The following MAGI2 variants were observed in gnomAD, a reference collection of about 807,000 sequenced individuals.
MAGI2 encodes membrane associated guanylate kinase, WW and PDZ domain containing 2.
In MAGI2, 35 loss-of-function variants were observed where a neutral mutation model predicts 133.3. The ratio of observed to expected loss-of-function variants is 0.26; its 90% CI spans 0.20 to 0.35. The LOEUF (loss-of-function observed/expected upper bound fraction) is 0.35, where lower values mean the gene tolerates loss of function less well. MAGI2 is among the 10% of genes least tolerant of loss of function. MAGI2 has a pLI of 1.00. For missense variants in MAGI2, 1,636 were observed against 1,863.4 expected, an observed-to-expected ratio of 0.88 and a Z score of 2.25; for synonymous variants, 729 against 710.6, an observed-to-expected ratio of 1.03 and a Z score of -0.41.
intron 2 of MAGI2, among the ~76,000 whole-genome samples, chr7:78,725,159 C>T (rs1820644200): frequency 6.6e-6 from 1 of 152,154 alleles, no homozygotes. Flanking sequence ...AAAAATAAGG[C>T]AGCTGGTTAA....
At chr7:79,264,883 G>C (rs190621434) in intron 1 of MAGI2, among the ~76,000 whole-genome samples, 39 of 151,928 alleles carry the variant, frequency 2.6e-4, no homozygotes, top group African/African-American at 8.7e-4. Context: ...GAGAGAGAGC[G>C]CACGAGCACA....
chr7:78,426,529 C>T lies in MAGI2; in HGVS notation c.1046-57316G>A, dbSNP rs373700501. 1.2e-4 allele frequency among the ~76,000 whole-genome samples: 18 copies of T among 151,978 alleles called. 1 individual carries two copies. Among genetic ancestry groups the T allele is most frequent in the East Asian group, 9.7e-4 (5 of 5,158 alleles). On this transcript the variant is annotated intron_variant, in intron 6 of 21. Transcript: ENST00000354212. ...CTAGATGACGAGTTAGTGGGTGCAG[C>T]GCACCAGCATGGCACATGTATACAT... is the stretch of plus-strand genomic sequence containing the variant.
At position 79,173,325 on chromosome 7, in the gene MAGI2, A is replaced by T. The variant is rs547886715; in HGVS notation, c.302-166119T>A. Among the ~76,000 whole-genome samples, 931 of 147,620 alleles carry T rather than the reference A, an allele frequency of 6.3e-3. 11 individuals are homozygous for T. The highest frequency in any genetic ancestry group is 0.021 in the African/African-American group (863 of 40,564). ...CAAATTAATTTACTATTATAATTGC[A>T]TTTTTTTTTTTACTTCTGATGATAA... is the stretch of plus-strand genomic sequence containing the variant. On this transcript the variant is annotated intron_variant, in intron 1 of 21. Transcript: ENST00000354212.
intron 21 of MAGI2, among the ~76,000 whole-genome samples, chr7:78,058,259 G>A (rs1365855984): frequency 6.6e-6 from 1 of 151,864 alleles, no homozygotes; most frequent in Non-Finnish European, 1.5e-5. Flanking sequence ...CACTGCTCAT[G>A]TGTCTCAAAG....
At chr7:79,320,552 T>C (rs185759702) in intron 1 of MAGI2, among the ~76,000 whole-genome samples, 1 of 152,256 alleles carries the variant, frequency 6.6e-6, no homozygotes, top group East Asian at 1.9e-4. Context: ...ATATATATGT[T>C]TTAAGTAATC....
At chr7:78,547,675 A>G in intron 3 of MAGI2, among the ~76,000 whole-genome samples, 1 of 152,334 alleles carries the variant, frequency 6.6e-6, no homozygotes, top group African/African-American at 2.4e-5. Context: ...ACTCACTCAG[A>G]TTACGACAAT....
chr7:78,880,884 A>G (rs964320815), intron 2 of MAGI2, among the ~76,000 whole-genome samples: 2 of 152,214 alleles, frequency 1.3e-5, no homozygotes, highest in African/African-American at 2.4e-5. Flanking sequence ...ACAAAGATCT[A>G]TTACAAAAAC....
At chr7:79,072,007 T>A (rs1056960335) in intron 1 of MAGI2, among the ~76,000 whole-genome samples, 1 of 152,148 alleles carries the variant, frequency 6.6e-6, no homozygotes. Context: ...CTGTTCCTGC[T>A]AGTACAGTCT....
At chr7:78,138,553 TG>T (rs1489850517) in intron 16 of MAGI2, among the ~76,000 whole-genome samples, 1 of 152,120 alleles carries the variant, frequency 6.6e-6, no homozygotes, top group African/African-American at 2.4e-5. Flanking sequence ...TTTATGCCTC[TG>T]CTCTCCTCTA....
chr7:79,408,681 C>G (rs574337062), intron 1 of MAGI2, among the ~76,000 whole-genome samples: 47 of 152,006 alleles, frequency 3.1e-4, no homozygotes, highest in African/African-American at 1.0e-3. Context: ...AAACCAGGAA[C>G]AAGTTAAATG....
At chr7:79,441,863 A>G (rs1011567101) in intron 1 of MAGI2, among the ~76,000 whole-genome samples, 1 of 152,136 alleles carries the variant, frequency 6.6e-6, no homozygotes, top group Non-Finnish European at 1.5e-5. Flanking sequence ...ATTGCAATAT[A>G]CCGTATATTC....
chr7:78,430,815 G>A (rs1225403887), intron 6 of MAGI2, among the ~76,000 whole-genome samples: 1 of 152,032 alleles, frequency 6.6e-6, no homozygotes, highest in Admixed American at 6.6e-5. Flanking sequence ...CAAATAATGT[G>A]TTTACAGTTA....
At chr7:78,409,850 T>C (rs1213658504) in intron 6 of MAGI2, among the ~76,000 whole-genome samples, 1 of 152,114 alleles carries the variant, frequency 6.6e-6, no homozygotes, top group African/African-American at 2.4e-5. Flanking sequence ...AATTATTTTG[T>C]AAGCTTTACA....
Position 78,658,141 on chromosome 7 carries a change from GTAC to G in MAGI2, c.419-30905_419-30903del, listed in dbSNP as rs750444473. 6.6e-5 allele frequency among the ~76,000 whole-genome samples: 10 copies of G among 152,146 alleles called. No homozygotes were observed. In the East Asian group the frequency reaches 1.4e-3, roughly 21 times the overall value. On this transcript the variant is annotated intron_variant, in intron 2 of 21. Transcript: ENST00000354212. The stretch of plus-strand genomic sequence containing the variant: ...GGAGGTAATCTTTTCAGGAGTTTTT[GTAC>G]TACAAGTTCAATTACACAGAATAGA...
chr7:79,033,055 C>G (rs1005735561), intron 1 of MAGI2, among the ~76,000 whole-genome samples: 1 of 152,106 alleles, frequency 6.6e-6, no homozygotes, highest in Non-Finnish European at 1.5e-5. Context: ...TTTTGAACCA[C>G]AGTCCAGGTT....
At chr7:78,697,974 T>C (rs1248951164) in intron 2 of MAGI2, among the ~76,000 whole-genome samples, 2 of 152,184 alleles carry the variant, frequency 1.3e-5, no homozygotes, top group African/African-American at 4.8e-5. Flanking sequence ...AGTTCATTTC[T>C]TTAGGATGTT....
intron 2 of MAGI2, among the ~76,000 whole-genome samples, chr7:78,733,908 C>T (rs1342075006): frequency 6.6e-6 from 1 of 152,122 alleles, no homozygotes; most frequent in Non-Finnish European, 1.5e-5. Flanking sequence ...GTAATGGTCA[C>T]ATATCTGAAA....
At chr7:78,815,675 G>C (rs1484912149) in intron 2 of MAGI2, among the ~76,000 whole-genome samples, 1 of 152,138 alleles carries the variant, frequency 6.6e-6, no homozygotes, top group East Asian at 1.9e-4. Flanking sequence ...ACGGTGATCT[G>C]TGATCAGTGA....
intron 1 of MAGI2, among the ~76,000 whole-genome samples, chr7:79,346,693 G>T (rs17152314): frequency 0.16 from 24,348 of 151,802 alleles, 2,137 homozygotes; most frequent in African/African-American, 0.2. Flanking sequence ...ATACTCCTGG[G>T]TTATTGCTCT....
Sources: gnomAD v4.1 joint callset for allele counts (sites outside exome capture counted in the v4.1 genomes callset) on GRCh38, gnomAD v4.1.1 for gene constraint, MANE v1.5 for transcripts, NCBI Gene and HGNC (gene_info 2026-07-23, HGNC 2026-07-21) for gene names.